The following ATP13A2 variants were observed in gnomAD, a reference collection of about 807,000 sequenced individuals.
The protein encoded by ATP13A2 is polyamine-transporting ATPase 13A2.
A neutral mutation model predicts 138.3 loss-of-function variants in ATP13A2; 83 were observed. The observed-to-expected ratio is 0.60, with a 90% confidence interval of 0.50 to 0.72. ATP13A2 has a LOEUF of 0.72. ATP13A2 is among the 30% of genes least tolerant of loss of function. ATP13A2 has a pLI of 0.00. For synonymous variants in ATP13A2, 663 were observed against 699.0 expected (o/e 0.95, Z 0.81); for missense variants, 1,402 against 1,606.4 (o/e 0.87, Z 2.17).
At chr1:17,006,270 A>G (rs1328357508) in intron 1 of ATP13A2, among the ~76,000 whole-genome samples, 2 of 112,704 alleles carry the variant, frequency 1.8e-5, no homozygotes, top group Non-Finnish European at 3.5e-5. Context: ...TTTTTTTTTG[A>G]GACGGAGTGT....
rs759878626 is a variant in ATP13A2, at chr1:16,987,024, GGTCA to G, written c.3083+18_3083+21del. 1.2e-6 allele frequency: 2 copies of G among 1,613,256 alleles called. No homozygotes were observed. The highest frequency in any genetic ancestry group is 1.7e-5 in the Admixed American group (1 of 60,010). On this transcript the variant is annotated intron_variant, in intron 26 of 28. Coordinates refer to ENST00000326735, the MANE Select transcript of ATP13A2 (RefSeq NM_022089.4). The stretch of plus-strand genomic sequence containing the variant: ...GACAGGGAAGGGGCGGGATGGGGGT[GGTCA>G]GTCAGCTCCCTACTCACCATGGCTG...
In ATP13A2 at chr1:16,992,493, T is replaced by C. The variant is rs1002923445; in HGVS notation, c.1838A>G (p.Gln613Arg). Residue 613 changes from glutamine to arginine, a missense_variant, in exon 17 of 29, where the codon CAG becomes CGG. Gln to Arg is a conservative substitution (Grantham distance 43). Transcript: ENST00000326735. Reference protein sequence around the residue: ...MRPPLWEPQLQAMEEPPVPVS... With the variant: ...MRPPLWEPQLRAMEEPPVPVS... ...AGGCCCCCCTCAGCTCACCATTGCC[T>C]GCAGCTGGGGCTCCCAAAGTGGGGG... The C allele has an allele frequency of 6.2e-7, 1 of 1,614,112 alleles. No homozygotes were observed. Among genetic ancestry groups the C allele is most frequent in the Non-Finnish European group, 8.5e-7 (1 of 1,179,992 alleles).
At position 16,986,106 on chromosome 1, in the gene ATP13A2, A is replaced by T; in HGVS notation, c.*115T>A. 5.7e-6 allele frequency: 9 copies of T among 1,574,852 alleles called. No homozygotes were observed. The highest frequency in any genetic ancestry group is 7.8e-6 in the Non-Finnish European group (9 of 1,161,098). ...GGGTGGTCTCGGGGGAGGAGTGTAG[A>T]CAGTCGCCAACCTCAGGGATGTGGG... On this transcript the variant is annotated 3_prime_UTR_variant, in exon 29 of 29. Transcript: ENST00000326735. This position sits in a 1 kb window ranked among gnomAD's most constrained non-coding sequence, Gnocchi z 6.9.
At chr1:16,993,591 G>A (rs1207475792) in intron 16 of ATP13A2, 38 bp downstream of exon 16, 1 of 1,547,004 alleles carries the variant, frequency 6.5e-7, no homozygotes, top group African/African-American at 1.4e-5. Context: ...AGGCCCCACT[G>A]CCCAGAGGCA....
In ATP13A2 at chr1:16,993,661, TGGGGTCGCCCACG is replaced by T; in HGVS notation, c.1704_1716del (p.Val569TrpfsTer3). Reference sequence around the variant, plus strand: ...GTAGACTCCACCATCTTCAAGTCCATGGGGTCGCCCACGGGGGTGTCCTGGAGCCGGCTGAGGG... The same window carrying T: ...GTAGACTCCACCATCTTCAAGTCCATGGGGTGTCCTGGAGCCGGCTGAGGG... On this transcript the variant is annotated frameshift_variant, in exon 16 of 29. Transcript: ENST00000326735. LOFTEE classifies it high-confidence loss of function. 1 of 1,593,794 alleles carries T rather than the reference TGGGGTCGCCCACG, an allele frequency of 6.3e-7. No homozygotes were observed.
At chr1:16,997,790 G>A (rs971575417) in intron 11 of ATP13A2, among the ~76,000 whole-genome samples, 1 of 148,274 alleles carries the variant, frequency 6.7e-6, no homozygotes, top group African/African-American at 2.5e-5. Flanking sequence ...GCAGTGAGCC[G>A]AGATCGTGCC....
intron 15 of ATP13A2, among the ~76,000 whole-genome samples, chr1:16,994,808 A>G (rs2077060639): frequency 6.6e-6 from 1 of 151,814 alleles, no homozygotes; most frequent in Admixed American, 6.6e-5. Context: ...GACAACAGGC[A>G]TATGTCACCG....
At chr1:17,008,407 C>G (rs1343716678) in intron 1 of ATP13A2, among the ~76,000 whole-genome samples, 2 of 152,230 alleles carry the variant, frequency 1.3e-5, no homozygotes, top group Non-Finnish European at 2.9e-5. Context: ...GCCTTTGCCT[C>G]TCTGGGCTTC....
In ATP13A2 at chr1:16,986,741, C is replaced by T; in HGVS notation, c.3235+64G>A. 1.9e-6 allele frequency: 3 copies of T among 1,571,494 alleles called. No homozygotes were observed. Among genetic ancestry groups the T allele is most frequent in the Non-Finnish European group, 2.6e-6 (3 of 1,164,070 alleles). ...GCCGGCACCTCTCTCCCATCTGCCT[C>T]CCCAGCACCCCAGGGCTCCTCCCTC... On this transcript the variant is annotated intron_variant, in intron 27 of 28. Coordinates refer to ENST00000326735, the MANE Select transcript of ATP13A2 (RefSeq NM_022089.4). The surrounding 1 kb of genome is among the most constrained non-coding windows in gnomAD (Gnocchi z 6.9).
At chr1:16,999,248 C>G (rs755903215) in intron 11 of ATP13A2, among the ~76,000 whole-genome samples, 1 of 151,814 alleles carries the variant, frequency 6.6e-6, no homozygotes, top group Non-Finnish European at 1.5e-5. Context: ...GGTATGGTGG[C>G]GCACACCTGT....
rs749482652 is a variant in ATP13A2 at position 17,004,731 on chromosome 1, G to C, written c.438C>G (p.Ala146=). The stretch of plus-strand genomic sequence containing the variant: ...CCGCCTCCTCGCTCTTGTGGAGCTG[G>C]GCCGTATCCTTCCAGGCACCCTCTG... The part of the protein sequence containing the change: ...AVPEGAWKDT[A]QLHKSEEAVS... The change falls in exon 5 of 29, where the codon GCC becomes GCG. Residue 146 remains alanine, a synonymous_variant. Coordinates refer to ENST00000326735, the MANE Select transcript of ATP13A2 (RefSeq NM_022089.4). The surrounding 1 kb of genome is among the most constrained non-coding windows in gnomAD (Gnocchi z 4.1). 1 of 1,614,114 alleles carries C rather than the reference G, an allele frequency of 6.2e-7. No individual in the cohort carries two copies. The highest frequency in any genetic ancestry group is 8.5e-7 in the Non-Finnish European group (1 of 1,180,028).
In ATP13A2 at chr1:16,986,508, C is replaced by T; in HGVS notation, c.3360G>A (p.Leu1120=). 1 of 1,612,682 alleles carries T rather than the reference C, an allele frequency of 6.2e-7. No homozygotes were observed. ...CGAAGTTGAGGGTGACCAGACCCAG[C>T]AGCAGCAGCTTGAAGCCGGTGTCAG... ...NITDTGFKLL[L]LGLVTLNFVG... Residue 1120 remains leucine, a synonymous_variant, in exon 28 of 29, where the codon CTG becomes CTA. Coordinates refer to ENST00000326735, the MANE Select transcript of ATP13A2 (RefSeq NM_022089.4). The surrounding 1 kb of genome is among the most constrained non-coding windows in gnomAD (Gnocchi z 6.9).
rs1305034242 is a variant in ATP13A2 at position 16,986,903 on chromosome 1, T to C, written c.3137A>G (p.Glu1046Gly). 1.2e-6 allele frequency: 2 copies of C among 1,613,850 alleles called. No individual in the cohort carries two copies. Among genetic ancestry groups the C allele is most frequent in the Admixed American group, 1.7e-5 (1 of 59,990 alleles). Residue 1046 changes from glutamate (E) to glycine (G), a missense_variant, in exon 27 of 29, where the codon GAG becomes GGG. Glu to Gly is a moderately conservative substitution (Grantham distance 98). Coordinates refer to ENST00000326735, the MANE Select transcript of ATP13A2 (RefSeq NM_022089.4). The surrounding 1 kb of genome is among the most constrained non-coding windows in gnomAD (Gnocchi z 6.9). Reference sequence around the variant, plus strand: ...GGACAGAGAGAAGACCACGGTGTTCTCGTAGTTGGGCAGGTTGTCTGGTGC... The same window carrying C: ...GGACAGAGAGAAGACCACGGTGTTCCCGTAGTTGGGCAGGTTGTCTGGTGC... ...VAAPDNLPNYENTVVFSLSSF... is the reference protein window; with the variant it reads ...VAAPDNLPNYGNTVVFSLSSF...
At chr1:17,000,625 G>C (rs1458625165) in intron 8 of ATP13A2, 91 bp from the exon 9 acceptor site, 21 of 1,502,222 alleles carry the variant, frequency 1.4e-5, no homozygotes, top group Admixed American at 2.2e-5. Context: ...GGAGCAGAGG[G>C]CCCAGTGGCT....
Position 16,992,228 on chromosome 1 carries a change from G to A in ATP13A2, c.2005+15C>T. ...CAATGCCCAACCAGGGGGACTCAGG[G>A]GCTTCCCCCTGCACCTGTCTCGGGG... is the stretch of plus-strand genomic sequence containing the variant. On this transcript the variant is annotated intron_variant, in intron 18 of 28. Coordinates refer to ENST00000326735, the MANE Select transcript of ATP13A2 (RefSeq NM_022089.4). The A allele has an allele frequency of 1.2e-6, 2 of 1,612,362 alleles. No individual in the cohort carries two copies. The highest frequency in any genetic ancestry group is 1.1e-5 in the South Asian group (1 of 91,052).
chr1:17,011,115 T>C lies in ATP13A2; in HGVS notation c.10+614A>G, dbSNP rs190317366. On this transcript the variant is annotated intron_variant, in intron 1 of 28. Coordinates refer to ENST00000326735, the MANE Select transcript of ATP13A2 (RefSeq NM_022089.4). This position sits in a 1 kb window ranked among gnomAD's most constrained non-coding sequence, Gnocchi z 7.3. ...GGCCCCATTCCCGGCAGGTGGGATTTAAATTAGACCCTGGAGGAGTGGGCG... is the reference window on the plus strand; with the variant it reads ...GGCCCCATTCCCGGCAGGTGGGATTCAAATTAGACCCTGGAGGAGTGGGCG... Among the ~76,000 whole-genome samples, 9 of 152,088 alleles carry C rather than the reference T, an allele frequency of 5.9e-5. No homozygotes were observed. In the East Asian group the frequency reaches 1.7e-3, roughly 29 times the overall value.
intron 25 of ATP13A2, among the ~76,000 whole-genome samples, chr1:16,987,691 G>A (rs977483673): frequency 6.6e-6 from 1 of 152,202 alleles, no homozygotes; most frequent in East Asian, 1.9e-4. Context: ...CACCTCATTC[G>A]CTGGGGGTGA....
chr1:16,993,732 C>T lies in ATP13A2; in HGVS notation c.1646G>A (p.Gly549Glu). The part of the protein sequence containing the change: ...LVPEPRRLPV[G>E]PLLRALATCH... ...GGTGGCCAGTGCTCGGAGCAGGGGC[C>T]CCACAGGCAGGCGGCGAGGCTCTGG... Residue 549 changes from glycine to glutamate, a missense_variant, in exon 16 of 29, where the codon GGG (glycine) becomes GAG (glutamate). By Grantham distance (98) the Gly-to-Glu change is moderately conservative. Transcript: ENST00000326735. 1 of 1,594,220 alleles carries T rather than the reference C, an allele frequency of 6.3e-7. No homozygotes were observed. The highest frequency in any genetic ancestry group is 8.5e-7 in the Non-Finnish European group (1 of 1,171,156).
Position 16,986,513 on chromosome 1 carries a change from G to A in ATP13A2, c.3355C>T (p.Leu1119=), listed in dbSNP as rs764025000. The A allele has an allele frequency of 1.2e-6, 2 of 1,612,712 alleles. No individual in the cohort carries two copies. The highest frequency in any genetic ancestry group is 1.7e-6 in the Non-Finnish European group (2 of 1,179,896). Residue 1119 remains leucine, a synonymous_variant, in exon 28 of 29, where the codon CTG becomes TTG. Coordinates refer to ENST00000326735, the MANE Select transcript of ATP13A2 (RefSeq NM_022089.4). This position sits in a 1 kb window ranked among gnomAD's most constrained non-coding sequence, Gnocchi z 6.9. ...RNITDTGFKL[L]LLGLVTLNFV... ...TTGAGGGTGACCAGACCCAGCAGCA[G>A]CAGCTTGAAGCCGGTGTCAGTGATG...
Sources: gnomAD v4.1 joint callset for allele counts (sites outside exome capture counted in the v4.1 genomes callset) on GRCh38, gnomAD v4.1.1 for gene constraint, Gnocchi (gnomAD v3.1) non-coding constraint, MANE v1.5 for transcripts, NCBI Gene and HGNC (gene_info 2026-07-23, HGNC 2026-07-21) for gene names.